SPEF2: variants seen among roughly 807,000 people sequenced by gnomAD.
SPEF2 encodes the protein sperm flagella and cilia-associated protein 2.
A neutral mutation model predicts 224.6 loss-of-function variants in SPEF2; 187 were observed. That is an observed-to-expected ratio of 0.83 (90% CI 0.74 to 0.94). The LOEUF (loss-of-function observed/expected upper bound fraction) is 0.94, where lower values mean the gene tolerates loss of function less well. SPEF2 is among the 40% of genes least tolerant of loss of function. The pLI is 0.00. For missense variants in SPEF2, 2,170 were observed against 2,135.6 expected (o/e 1.02, Z -0.32); for synonymous variants, 715 against 707.3 (o/e 1.01, Z -0.17).
chr5:35,744,668 C>A (rs776414509), intron 23 of SPEF2, among the ~76,000 whole-genome samples: 17 of 152,126 alleles, frequency 1.1e-4, no homozygotes, highest in Non-Finnish European at 1.8e-4. Context: ...AGGAGAATCG[C>A]ATGAACCCAG....
At chr5:35,735,161 A>G (rs1240180315) in intron 21 of SPEF2, among the ~76,000 whole-genome samples, 1 of 152,196 alleles carries the variant, frequency 6.6e-6, no homozygotes, top group East Asian at 1.9e-4. Flanking sequence ...CTTATTCACC[A>G]CAAAATTTCT....
intron 3 of SPEF2, 64 bp downstream of exon 3, chr5:35,641,747 A>G: frequency 1.3e-6 from 2 of 1,521,176 alleles, no homozygotes; most frequent in Non-Finnish European, 1.8e-6. Flanking sequence ...AGAAATGACA[A>G]TGATATTGAA....
At position 35,617,983 on chromosome 5, in the gene SPEF2, G is replaced by A; in HGVS notation, c.-15G>A. The A allele has an allele frequency of 6.4e-7, 1 of 1,572,208 alleles. No homozygotes were observed. The highest frequency in any genetic ancestry group is 1.2e-5 in the South Asian group (1 of 86,252). On this transcript the variant is annotated 5_prime_UTR_variant, in exon 1 of 37. Coordinates refer to ENST00000356031, the MANE Select transcript of SPEF2 (RefSeq NM_024867.4). The stretch of plus-strand genomic sequence containing the variant: ...TTCTAAGCCCCCGCCTGCGGTCTGA[G>A]GCACCGGCTGAACCATGTCGGAGAT...
At chr5:35,687,827 A>T (rs907574241) in intron 10 of SPEF2, among the ~76,000 whole-genome samples, 1 of 152,170 alleles carries the variant, frequency 6.6e-6, no homozygotes, top group Non-Finnish European at 1.5e-5. Flanking sequence ...ATTTTTCTTA[A>T]TAGTCAAATT....
At chr5:35,807,568 C>A in intron 36 of SPEF2, 2 of 1,369,208 alleles carry the variant, frequency 1.5e-6, no homozygotes, top group Non-Finnish European at 2.0e-6. Flanking sequence ...TTCCTCCTGC[C>A]AAAGAGAACT....
Position 35,659,103 on chromosome 5 carries a change from G to A in SPEF2, c.1063G>A (p.Val355Ile). ...CAGGATTGCCGTGCAGCTCATGCAT[G>A]TTCGGCATGAAAAGGAAGTTTTATG... ...ERRIAVQLMHVRHEKEVLWQN... is the reference protein window; with the variant it reads ...ERRIAVQLMHIRHEKEVLWQN... The change falls in exon 8 of 37, where the codon GTT (valine) becomes ATT (isoleucine). Residue 355 changes from valine (V) to isoleucine (I), a missense_variant. Transcript: ENST00000356031. The A allele has an allele frequency of 6.2e-7, 1 of 1,613,260 alleles. No homozygotes were observed. Among genetic ancestry groups the A allele is most frequent in the Middle Eastern group, 1.7e-4 (1 of 6,058 alleles).
In SPEF2 at chr5:35,659,137, G is replaced by A. The variant is rs16902381; in HGVS notation, c.1097G>A (p.Arg366Lys). ...GAAAAGGAAGTTTTATGGCAAAACA[G>A]AATTTTCAGAGAAAAACAACATGAG... ...RHEKEVLWQN[R>K]IFREKQHEER... Residue 366 changes from arginine to lysine, a missense_variant, in exon 8 of 37, where the codon AGA (arginine) becomes AAA (lysine). Arg to Lys is a conservative substitution (Grantham distance 26). Transcript: ENST00000356031. 80,386 of 1,612,988 alleles carry A rather than the reference G, an allele frequency of 0.05. 2,236 individuals carry two copies. Among genetic ancestry groups the A allele is most frequent in the African/African-American group, 0.06 (4,498 of 74,944 alleles).
At chr5:35,690,028 G>T (rs1218032459) in intron 10 of SPEF2, among the ~76,000 whole-genome samples, 4 of 151,912 alleles carry the variant, frequency 2.6e-5, no homozygotes, top group Non-Finnish European at 4.4e-5. Context: ...TTCCTAGTTT[G>T]ATTACTTTAA....
chr5:35,749,789 T>C lies in SPEF2; in HGVS notation c.3331-3835T>C, dbSNP rs112586285. ...AATGATCATACTGCCCAAAGCAATC[T>C]ACAAATTCAATGCAATCCCCATCAA... On this transcript the variant is annotated intron_variant, in intron 23 of 36. Coordinates refer to ENST00000356031, the MANE Select transcript of SPEF2 (RefSeq NM_024867.4). Among the ~76,000 whole-genome samples the C allele has an allele frequency of 1.6e-3, 248 of 152,222 alleles. 2 individuals are homozygous for C. The highest frequency in any genetic ancestry group is 5.7e-3 in the African/African-American group (236 of 41,560).
At chr5:35,772,692 T>C (rs1753031686) in intron 27 of SPEF2, among the ~76,000 whole-genome samples, 1 of 152,122 alleles carries the variant, frequency 6.6e-6, no homozygotes, top group Admixed American at 6.5e-5. Flanking sequence ...CGCACCACTT[T>C]AGTCCATCTC....
intron 23 of SPEF2, among the ~76,000 whole-genome samples, chr5:35,752,254 A>G (rs1177663065): frequency 6.6e-6 from 1 of 152,054 alleles, no homozygotes; most frequent in Non-Finnish European, 1.5e-5. Flanking sequence ...TAATGCACTT[A>G]ACATGATGCT....
intron 23 of SPEF2, among the ~76,000 whole-genome samples, chr5:35,749,475 T>C (rs1229419759): frequency 1.3e-5 from 2 of 151,998 alleles, no homozygotes; most frequent in African/African-American, 4.8e-5. Context: ...TCCAGAAAGC[T>C]CCTAGAACTG....
chr5:35,672,739 T>A (rs570836584), intron 10 of SPEF2, among the ~76,000 whole-genome samples: 1 of 152,196 alleles, frequency 6.6e-6, no homozygotes, highest in South Asian at 2.1e-4. Context: ...AAATGTATTA[T>A]TCAGAAATTA....
chr5:35,781,343 G>GA (rs1754311122), intron 30 of SPEF2: 2 of 152,148 alleles, frequency 1.3e-5, no homozygotes, highest in African/African-American at 4.8e-5. Flanking sequence ...ATTGGTCAGG[G>GA]AAAAGTCTGT....
intron 19 of SPEF2, 120 bp from the exon 20 acceptor site, chr5:35,712,692 T>C: frequency 1.1e-6 from 1 of 926,060 alleles, no homozygotes; most frequent in Non-Finnish European, 1.7e-6. Flanking sequence ...TGAGCCATTT[T>C]ATGCAGTTCA....
At chr5:35,753,803 CA>C in intron 24 of SPEF2, 42 bp downstream of exon 24, 1 of 1,611,728 alleles carries the variant, frequency 6.2e-7, no homozygotes, top group Middle Eastern at 1.7e-4. Context: ...CTTCCCTTCA[CA>C]GCCTCATTCC....
rs1156552387 is a variant in SPEF2 at position 35,793,335 on chromosome 5, T to C, written c.4731T>C (p.Tyr1577=). The C allele has an allele frequency of 6.2e-7, 1 of 1,611,402 alleles. No individual in the cohort carries two copies. Among genetic ancestry groups the C allele is most frequent in the Non-Finnish European group, 8.5e-7 (1 of 1,179,256 alleles). The change falls in exon 32 of 37, where the codon TAT becomes TAC. Residue 1577 remains tyrosine (Y), a synonymous_variant. Transcript: ENST00000356031. Reference sequence around the variant, plus strand: ...TGGGCACCATCACTTTTGAGCAGTATATGCAGGTTGTTACCAGCACCTGAT... The same window carrying C: ...TGGGCACCATCACTTTTGAGCAGTACATGCAGGTTGTTACCAGCACCTGAT... ...EQLGTITFEQ[Y]MQAGLWFTGD...
intron 2 of SPEF2, among the ~76,000 whole-genome samples, 168 bp from the exon 3 acceptor site, chr5:35,641,263 T>TA (rs1746584086): frequency 6.6e-6 from 1 of 152,134 alleles, no homozygotes; most frequent in Non-Finnish European, 1.5e-5. Context: ...ACATGGTCAA[T>TA]AAAAAAATCT....
At chr5:35,749,617 A>T (rs1011025547) in intron 23 of SPEF2, among the ~76,000 whole-genome samples, 1 of 152,172 alleles carries the variant, frequency 6.6e-6, no homozygotes, top group African/African-American at 2.4e-5. Flanking sequence ...CTGCAAAAAA[A>T]ATGAAATACT....
Sources: gnomAD v4.1 joint callset for allele counts (sites outside exome capture counted in the v4.1 genomes callset) on GRCh38, gnomAD v4.1.1 for gene constraint, MANE v1.5 for transcripts, NCBI Gene and HGNC (gene_info 2026-07-23, HGNC 2026-07-21) for gene names.